TSHZ3: variants seen among roughly 807,000 people sequenced by gnomAD.
TSHZ3 encodes teashirt zinc finger homeobox 3, also known as teashirt homolog 3.
A neutral mutation model predicts 64.5 loss-of-function variants in TSHZ3; 10 were observed. The observed-to-expected ratio is 0.16, with a 90% confidence interval of 0.10 to 0.26. The LOEUF (loss-of-function observed/expected upper bound fraction) is 0.26. TSHZ3 is among the 10% of genes least tolerant of loss of function. The pLI is 1.00. For synonymous variants in TSHZ3, 608 were observed against 593.1 expected, an observed-to-expected ratio of 1.03 and a Z score of -0.36; for missense variants, 1,242 against 1,421.7, an observed-to-expected ratio of 0.87 and a Z score of 2.03.
intron 1 of TSHZ3, among the ~76,000 whole-genome samples, chr19:31,308,052 C>A (rs146925796): frequency 4.6e-5 from 7 of 152,342 alleles, no homozygotes; most frequent in Middle Eastern, 3.4e-3. Context: ...CTAGCTCTCA[C>A]GCAACTGTTT....
At chr19:31,199,054 C>A (rs1486543553) in intron 5 of TSHZ3, among the ~76,000 whole-genome samples, 1 of 152,036 alleles carries the variant, frequency 6.6e-6, no homozygotes, top group African/African-American at 2.4e-5. Context: ...GATGTGGTAT[C>A]GTCAAAAAAT....
chr19:31,268,736 C>T (rs1232616002), intron 1 of TSHZ3, among the ~76,000 whole-genome samples: 2 of 152,112 alleles, frequency 1.3e-5, no homozygotes, highest in African/African-American at 4.8e-5. Flanking sequence ...TGGGAGAAGG[C>T]CTCTGCTTTC....
At chr19:31,305,131 A>C (rs1322634739) in intron 1 of TSHZ3, among the ~76,000 whole-genome samples, 1 of 152,140 alleles carries the variant, frequency 6.6e-6, no homozygotes, top group Non-Finnish European at 1.5e-5. Flanking sequence ...TTGTAAAAAA[A>C]TACGGCAGCT....
downstream of TSHZ3, among the ~76,000 whole-genome samples, chr19:31,272,879 T>C (rs1327018103): frequency 1.3e-5 from 2 of 152,094 alleles, no homozygotes; most frequent in African/African-American, 4.8e-5. Context: ...GATTAAAACC[T>C]CCCTCCCTTG....
chr19:31,332,948 T>C (rs1917135092), intron 1 of TSHZ3, among the ~76,000 whole-genome samples: 1 of 151,178 alleles, frequency 6.6e-6, no homozygotes, highest in South Asian at 2.1e-4. Context: ...CTACAAAAAA[T>C]AGAAAAATTA....
intron 5 of TSHZ3, among the ~76,000 whole-genome samples, chr19:31,161,900 C>T (rs796901002): frequency 4.1e-4 from 62 of 152,344 alleles, no homozygotes; most frequent in African/African-American, 1.4e-3. Context: ...TCCAGTGACG[C>T]TATTTCAAAA....
chr19:31,339,972 A>G (rs1049144846), intron 1 of TSHZ3, among the ~76,000 whole-genome samples: 5 of 152,050 alleles, frequency 3.3e-5, no homozygotes, highest in Admixed American at 1.3e-4. Context: ...TTTATTTTTT[A>G]ATGGCAAAGG....
chr19:31,211,020 T>C (rs1836893694), intron 4 of TSHZ3, among the ~76,000 whole-genome samples: 1 of 152,218 alleles, frequency 6.6e-6, no homozygotes, highest in South Asian at 2.1e-4. Context: ...TTATATTAAG[T>C]AAAATATGTT....
chr19:31,213,550 C>T (rs1599586679), intron 4 of TSHZ3, among the ~76,000 whole-genome samples: 1 of 151,900 alleles, frequency 6.6e-6, no homozygotes, highest in Non-Finnish European at 1.5e-5. Context: ...TGAACACTGA[C>T]ATAGCTATGT....
At chr19:31,171,319 G>C (rs969048863) in intron 5 of TSHZ3, among the ~76,000 whole-genome samples, 1 of 152,142 alleles carries the variant, frequency 6.6e-6, no homozygotes, top group African/African-American at 2.4e-5. Context: ...GAGACAATGA[G>C]TATTGCCAGG....
intron 1 of TSHZ3, among the ~76,000 whole-genome samples, chr19:31,248,939 A>G (rs1975795922): frequency 6.6e-6 from 1 of 152,070 alleles, no homozygotes; most frequent in Non-Finnish European, 1.5e-5. Flanking sequence ...AAATCAAAGG[A>G]TGCTGGGGTG....
downstream of TSHZ3, among the ~76,000 whole-genome samples, chr19:31,273,633 G>A (rs186528337): frequency 1.6e-4 from 24 of 152,330 alleles, no homozygotes; most frequent in Middle Eastern, 0.01. Context: ...AAATTCAAGC[G>A]TGGAAATCTG....
At chr19:31,165,708 G>A (rs903273345) in intron 5 of TSHZ3, among the ~76,000 whole-genome samples, 6 of 152,180 alleles carry the variant, frequency 3.9e-5, no homozygotes, top group Admixed American at 1.3e-4. Context: ...GTGTGTCCCC[G>A]AATCAGAGAA....
At chr19:31,186,635 CTG>C (rs1974814218) in intron 5 of TSHZ3, among the ~76,000 whole-genome samples, 1 of 152,292 alleles carries the variant, frequency 6.6e-6, no homozygotes, top group South Asian at 2.1e-4. Flanking sequence ...AACTATCAAA[CTG>C]TTTTTCAATT....
At position 31,276,320 on chromosome 19, in the gene TSHZ3, C is replaced by T; in HGVS notation, c.*227G>A. The stretch of plus-strand genomic sequence containing the variant: ...AACTAAATCCCGTTTACACAAAGTT[C>T]CAAACACTTACCACTGCATTTTAAC... On this transcript the variant is annotated 3_prime_UTR_variant, in exon 2 of 2. Coordinates refer to ENST00000240587, the MANE Select transcript of TSHZ3 (RefSeq NM_020856.4). 1 of 395,860 alleles carries T rather than the reference C, an allele frequency of 2.5e-6. No individual in the cohort carries two copies. Among genetic ancestry groups the T allele is most frequent in the Non-Finnish European group, 4.5e-6 (1 of 224,364 alleles). The allele number at this position is 395,860 out of a possible 1,614,324, so 24.5% of individuals were successfully genotyped here.
chr19:31,161,263 T>C lies in TSHZ3; in HGVS notation n.810-4846A>G, dbSNP rs924290783. 3.9e-5 allele frequency among the ~76,000 whole-genome samples: 6 copies of C among 152,286 alleles called. No individual in the cohort carries two copies. The South Asian group carries it at 8.3e-4, about 21-fold the overall frequency. ...CTGATAGCGGTATGATTTCCTACAG[T>C]GTATTTAACCAAACCCCACTCCAGT... On this transcript the variant is annotated intron_variant and non_coding_transcript_variant, in intron 5 of 6. Transcript: ENST00000651361.
At chr19:31,154,865 C>A (rs1824390972) in intron 6 of TSHZ3, among the ~76,000 whole-genome samples, 1 of 152,164 alleles carries the variant, frequency 6.6e-6, no homozygotes, top group Non-Finnish European at 1.5e-5. Context: ...ACACTTGCTG[C>A]CTCCTGTCTC....
chr19:31,213,452 A>G (rs973979699), intron 4 of TSHZ3, among the ~76,000 whole-genome samples: 1 of 148,120 alleles, frequency 6.8e-6, no homozygotes, highest in African/African-American at 2.5e-5. Context: ...AGATTTTAGG[A>G]CAGTGAAACT....
intron 5 of TSHZ3, among the ~76,000 whole-genome samples, chr19:31,190,875 A>G (rs1974893931): frequency 8.3e-6 from 1 of 119,806 alleles, no homozygotes; most frequent in South Asian, 3.0e-4. Context: ...TTTAAAAAAA[A>G]TAAATAAAAA....
Sources: allele counts gnomAD v4.1 joint callset (sites outside exome capture counted in the v4.1 genomes callset), GRCh38; gene constraint gnomAD v4.1.1; transcripts MANE v1.5; gene names NCBI Gene and HGNC (gene_info 2026-07-23, HGNC 2026-07-21).